The following GPR89B variants were observed in gnomAD, a reference collection of about 807,000 sequenced individuals.
GPR89B encodes golgi pH regulator B, also known as G protein-coupled receptor 89B.
A neutral mutation model predicts 52.4 loss-of-function variants in GPR89B; 25 were observed. The ratio of observed to expected loss-of-function variants is 0.48; its 90% CI spans 0.35 to 0.67. GPR89B has a LOEUF of 0.67. Ranked by LOEUF, GPR89B falls within the 30% of genes least tolerant of loss-of-function variation. GPR89B has a pLI of 0.01. For synonymous variants in GPR89B, 52 were observed against 151.2 expected, an observed-to-expected ratio of 0.34 and a Z score of 4.81; for missense variants, 146 against 450.2, an observed-to-expected ratio of 0.32 and a Z score of 6.11.
chr1:147,949,928 A>G (rs1378540964), intron 5 of GPR89B, among the ~76,000 whole-genome samples: 5 of 107,962 alleles, frequency 4.6e-5, no homozygotes, highest in Non-Finnish European at 9.1e-5. Context: ...CGGGGGGCTG[A>G]CCCCCCCACC....
chr1:147,940,186 G>A (rs1327042614), intron 3 of GPR89B, among the ~76,000 whole-genome samples: 1 of 151,890 alleles, frequency 6.6e-6, no homozygotes, highest in Admixed American at 6.6e-5. Flanking sequence ...GGCGGATCAC[G>A]AGGTCAGGAG....
chr1:147,950,303 G>A (rs1354382388), intron 5 of GPR89B, among the ~76,000 whole-genome samples: 4 of 150,936 alleles, frequency 2.7e-5, no homozygotes, highest in East Asian at 2.0e-4. Flanking sequence ...ACGGGGCGGC[G>A]GGGCAGAGGC....
chr1:147,998,932 T>C, the GPR89B span, among the ~76,000 whole-genome samples: 1 of 150,422 alleles, frequency 6.6e-6, no homozygotes, highest in African/African-American at 2.5e-5. Context: ...ATTCAGATAA[T>C]TGGGTGTCTA....
At chr1:148,017,530 C>T in the GPR89B span, among the ~76,000 whole-genome samples, 2 of 149,548 alleles carry the variant, frequency 1.3e-5, no homozygotes, top group African/African-American at 2.5e-5. Context: ...GTCAGGAGAT[C>T]GAGACCATCC....
the GPR89B span, among the ~76,000 whole-genome samples, chr1:148,018,433 G>A: frequency 9.9e-5 from 14 of 141,514 alleles, no homozygotes; most frequent in South Asian, 2.3e-4. Flanking sequence ...AAAAAAAAAA[G>A]AAAGAAAAGA....
At position 147,991,413 on chromosome 1, in the gene GPR89B, C is replaced by T. The variant is rs1352239195; in HGVS notation, c.1096-1089C>T. On this transcript the variant is annotated intron_variant, in intron 12 of 13. Coordinates refer to ENST00000314163, the MANE Select transcript of GPR89B (RefSeq NM_016334.5). ...CTGCAAACAGGGACAATTTGACTTC[C>T]TCTTTTCCTGATTGAATATCCTTTA... Among the ~76,000 whole-genome samples the T allele has an allele frequency of 9.1e-4, 138 of 152,270 alleles. No individual in the cohort carries two copies. The South Asian group carries it at 0.016, about 18-fold the overall frequency.
At chr1:147,985,031 G>A in intron 10 of GPR89B, among the ~76,000 whole-genome samples, 1 of 152,126 alleles carries the variant, frequency 6.6e-6, no homozygotes, top group South Asian at 2.1e-4. Context: ...TATTATTAGA[G>A]TTTCTGACTA....
At chr1:148,019,484 T>A in the GPR89B span, among the ~76,000 whole-genome samples, 1 of 151,880 alleles carries the variant, frequency 6.6e-6, no homozygotes, top group Non-Finnish European at 1.5e-5. Context: ...CTGGGCTTAG[T>A]ACCTGAGTGA....
chr1:147,964,713 C>CT (rs1316731552), intron 7 of GPR89B, among the ~76,000 whole-genome samples: 3 of 149,718 alleles, frequency 2.0e-5, no homozygotes, highest in Admixed American at 6.7e-5. Flanking sequence ...CAAGGCCATG[C>CT]TTGTCTATGT....
At chr1:148,014,049 G>T in the GPR89B span, among the ~76,000 whole-genome samples, 1 of 151,266 alleles carries the variant, frequency 6.6e-6, no homozygotes, top group South Asian at 2.1e-4. Flanking sequence ...CGGTAGGAAA[G>T]CGACGTCTCC....
chr1:148,015,430 T>G, the GPR89B span, among the ~76,000 whole-genome samples: 7 of 148,196 alleles, frequency 4.7e-5, no homozygotes, highest in East Asian at 2.0e-4. Flanking sequence ...TTCTCCTGCC[T>G]CAGCCTCCCG....
chr1:148,012,101 T>C, the GPR89B span: 1 of 152,184 alleles, frequency 6.6e-6, no homozygotes, highest in Middle Eastern at 3.2e-3. Flanking sequence ...GAGGTTGTCT[T>C]TCTATATTTT....
rs1211639411 is a variant in GPR89B at position 147,944,107 on chromosome 1, A to G, written c.415+9A>G. The G allele has an allele frequency of 2.5e-6, 4 of 1,589,292 alleles. No homozygotes were observed. The highest frequency in any genetic ancestry group is 2.6e-6 in the Non-Finnish European group (3 of 1,174,166). On this transcript the variant is annotated intron_variant, in intron 5 of 13. Transcript: ENST00000314163. The stretch of plus-strand genomic sequence containing the variant: ...TCTCAGCCCAAAACATGGTGAGTAT[A>G]TATAGGAGGGCAGAGGAAGTGGGGG...
chr1:148,012,858 G>C, the GPR89B span, among the ~76,000 whole-genome samples: 7 of 152,078 alleles, frequency 4.6e-5, no homozygotes, highest in Non-Finnish European at 1.0e-4. Context: ...CCAAAGAAGA[G>C]CCTCTGGCCT....
the GPR89B span, among the ~76,000 whole-genome samples, chr1:148,003,616 T>C: frequency 1.3e-5 from 2 of 152,096 alleles, no homozygotes; most frequent in African/African-American, 2.4e-5. Flanking sequence ...GTGGAAACTT[T>C]TGATGCCCAA....
the GPR89B span, among the ~76,000 whole-genome samples, chr1:148,002,522 A>G: frequency 6.6e-6 from 1 of 152,140 alleles, no homozygotes; most frequent in Non-Finnish European, 1.5e-5. Flanking sequence ...CTAAACAACT[A>G]TTTGACCTTA....
chr1:147,981,499 T>C (rs1437030901), intron 10 of GPR89B, among the ~76,000 whole-genome samples: 1 of 142,504 alleles, frequency 7.0e-6, no homozygotes, highest in Admixed American at 7.1e-5. Flanking sequence ...AAGACTGTCT[T>C]AAAAAAAAAA....
downstream of GPR89B, among the ~76,000 whole-genome samples, chr1:147,997,893 G>A (rs1395155628): frequency 2.6e-5 from 4 of 152,064 alleles, no homozygotes; most frequent in Non-Finnish European, 5.9e-5. Flanking sequence ...TCCAGACCTG[G>A]GATCTGCGCT....
At chr1:147,956,038 T>C (rs1656088679) in intron 7 of GPR89B, among the ~76,000 whole-genome samples, 1 of 67,082 alleles carries the variant, frequency 1.5e-5, no homozygotes, top group Non-Finnish European at 3.0e-5. Context: ...TTTCCAGGCT[T>C]AAGTCTTTAG....
Sources: gnomAD v4.1 joint callset for allele counts (sites outside exome capture counted in the v4.1 genomes callset) on GRCh38, gnomAD v4.1.1 for gene constraint, MANE v1.5 for transcripts, NCBI Gene and HGNC (gene_info 2026-07-23, HGNC 2026-07-21) for gene names.